PBX1: variants seen among roughly 807,000 people sequenced by gnomAD.
PBX1 encodes pre-B-cell leukemia transcription factor 1.
In PBX1, 6 loss-of-function variants were observed where a neutral mutation model predicts 53.4. The observed-to-expected ratio is 0.11, with a 90% CI of 0.06 to 0.22. The LOEUF is 0.22. Among genes scored for constraint, PBX1 ranks in the 10% least tolerant of loss-of-function variants. The pLI is 1.00. For synonymous variants in PBX1, 204 were observed against 212.3 expected, an observed-to-expected ratio of 0.96 and a Z score of 0.34; for missense variants, 251 against 551.4, an observed-to-expected ratio of 0.46 and a Z score of 5.46.
intron 2 of PBX1, among the ~76,000 whole-genome samples, chr1:164,792,113 T>A (rs571047462): frequency 1.3e-5 from 2 of 152,184 alleles, no homozygotes; most frequent in African/African-American, 2.4e-5. Context: ...TTTTAAACTA[T>A]TTTTAAGTGT....
chr1:164,654,185 T>A (rs1483253207), intron 2 of PBX1, among the ~76,000 whole-genome samples: 1 of 152,152 alleles, frequency 6.6e-6, no homozygotes, highest in African/African-American at 2.4e-5. Flanking sequence ...TGAAAAACTT[T>A]GTCACTCCAC....
intron 2 of PBX1, among the ~76,000 whole-genome samples, chr1:164,754,955 G>T (rs369869577): frequency 7.9e-5 from 12 of 152,276 alleles, no homozygotes; most frequent in East Asian, 3.9e-4. Context: ...GTGGTGCTAA[G>T]AATTAAAAGC....
intron 2 of PBX1, among the ~76,000 whole-genome samples, chr1:164,639,000 G>A (rs192908413): frequency 2.4e-4 from 36 of 152,314 alleles, no homozygotes; most frequent in African/African-American, 6.3e-4. Context: ...TTGAATAGTA[G>A]CCAGAGTACA....
chr1:164,701,075 G>A (rs778065826), intron 2 of PBX1, among the ~76,000 whole-genome samples: 20 of 151,970 alleles, frequency 1.3e-4, no homozygotes, highest in Non-Finnish European at 2.8e-4. Context: ...CAATATATGC[G>A]TGTCAGATAA....
rs947026004 is a variant in PBX1 at position 164,650,012 on chromosome 1, A to G, written c.265+86701A>G. 2.6e-5 allele frequency among the ~76,000 whole-genome samples: 4 copies of G among 152,236 alleles called. No individual in the cohort carries two copies. In the East Asian group the frequency reaches 5.8e-4, roughly 22 times the overall value. On this transcript the variant is annotated intron_variant, in intron 2 of 8. Coordinates refer to ENST00000420696, the MANE Select transcript of PBX1 (RefSeq NM_002585.4). ...TCCTCTCTCTGAGGAAGGGAGAGAA[A>G]GAGTTGAAGGTTTCTGGGAAAGGGG... is the stretch of plus-strand genomic sequence containing the variant.
intron 6 of PBX1, chr1:164,817,287 AGTGGATC>A (rs1571463067): frequency 6.6e-6 from 1 of 152,330 alleles, no homozygotes; most frequent in East Asian, 1.9e-4. Flanking sequence ...ACTATTTGTC[AGTGGATC>A]GTGTGCTTCC....
intron 2 of PBX1, among the ~76,000 whole-genome samples, chr1:164,685,906 C>T (rs570185726): frequency 6.6e-6 from 1 of 152,282 alleles, no homozygotes; most frequent in East Asian, 1.9e-4. Context: ...GGTTTTCTTG[C>T]AGCTTCTGCT....
rs996284615 is a variant in PBX1 at position 164,708,810 on chromosome 1, C to A, written c.266-83684C>A. ...ACTGAGGCTAAAGAAGTAACCAAGA[C>A]AAAGTTAGAAAATGCCAAGTTTGAA... is the stretch of plus-strand genomic sequence containing the variant. On this transcript the variant is annotated intron_variant, in intron 2 of 8. Coordinates refer to ENST00000420696, the MANE Select transcript of PBX1 (RefSeq NM_002585.4). Among the ~76,000 whole-genome samples the A allele has an allele frequency of 4.6e-5, 7 of 152,156 alleles. 1 individual carries two copies. Among genetic ancestry groups the A allele is most frequent in the Admixed American group, 3.9e-4 (6 of 15,284 alleles).
rs142305593 is a variant in PBX1 at position 164,717,769 on chromosome 1, T to C, written c.266-74725T>C. 3.3e-3 allele frequency among the ~76,000 whole-genome samples: 502 copies of C among 152,252 alleles called. 8 individuals carry two copies. The South Asian group carries it at 0.041, about 13-fold the overall frequency. The stretch of plus-strand genomic sequence containing the variant: ...GTAGAGCTCAAAAACAAGTTAATAG[T>C]CATTGTCTAGGGGAAGATGGTGGTT... On this transcript the variant is annotated intron_variant, in intron 2 of 8. Transcript: ENST00000420696.
At chr1:164,567,554 A>G (rs1051617498) in intron 2 of PBX1, among the ~76,000 whole-genome samples, 6 of 152,198 alleles carry the variant, frequency 3.9e-5, no homozygotes, top group Admixed American at 3.9e-4. Context: ...GTGTTAAGGC[A>G]GAAGTAATGT....
intron 2 of PBX1, among the ~76,000 whole-genome samples, chr1:164,787,959 C>T (rs1484000267): frequency 1.3e-5 from 2 of 152,120 alleles, no homozygotes; most frequent in Non-Finnish European, 2.9e-5. Context: ...TGACATTTTT[C>T]GGGTAGTGGA....
intron 2 of PBX1, among the ~76,000 whole-genome samples, chr1:164,580,404 G>A (rs147101588): frequency 0.053 from 8,094 of 152,180 alleles, 395 homozygotes; most frequent in African/African-American, 0.12. Context: ...TTAGCCTCCC[G>A]AGTAGCTGGG....
intron 2 of PBX1, among the ~76,000 whole-genome samples, chr1:164,706,086 A>G (rs1189832093): frequency 6.6e-6 from 1 of 150,446 alleles, no homozygotes; most frequent in East Asian, 1.9e-4. Flanking sequence ...GTGACTTACT[A>G]AGGAGTATCT....
intron 2 of PBX1, among the ~76,000 whole-genome samples, chr1:164,602,080 G>C (rs1233138733): frequency 2.0e-5 from 3 of 152,222 alleles, no homozygotes; most frequent in African/African-American, 7.2e-5. Context: ...AGAAAAGAGG[G>C]AGTTCAAGTC....
chr1:164,760,619 G>A (rs1175396977), intron 2 of PBX1, among the ~76,000 whole-genome samples: 7 of 151,882 alleles, frequency 4.6e-5, no homozygotes, highest in East Asian at 3.9e-4. Flanking sequence ...TTCTTCTCTC[G>A]TCTGTGGTTG....
chr1:164,793,872 CTTTTTT>C (rs72414989), intron 3 of PBX1, among the ~76,000 whole-genome samples: 1 of 78,218 alleles, frequency 1.3e-5, no homozygotes, highest in Admixed American at 1.5e-4. Context: ...TTTTTCCTTT[CTTTTTT>C]TTTTTTTTTT....
intron 2 of PBX1, among the ~76,000 whole-genome samples, chr1:164,790,118 C>T (rs1260593063): frequency 2.6e-4 from 39 of 152,278 alleles, no homozygotes; most frequent in Admixed American, 2.4e-3. Flanking sequence ...AGATTCTTTT[C>T]GGTGCCTTTA....
chr1:164,654,254 T>G (rs1571157082), intron 2 of PBX1, among the ~76,000 whole-genome samples: 1 of 152,216 alleles, frequency 6.6e-6, no homozygotes, highest in Admixed American at 6.5e-5. Context: ...TATAATGTAG[T>G]GCTTTTACCT....
At chr1:164,878,705 T>A (rs537536543) in intron 2 of PBX1, among the ~76,000 whole-genome samples, 29 of 152,146 alleles carry the variant, frequency 1.9e-4, no homozygotes, top group Middle Eastern at 6.8e-3. Context: ...ATGAAGACCA[T>A]GTCAGTAGCT....
Sources: allele counts gnomAD v4.1 joint callset (sites outside exome capture counted in the v4.1 genomes callset), GRCh38; gene constraint gnomAD v4.1.1; transcripts MANE v1.5; gene names NCBI Gene and HGNC (gene_info 2026-07-23, HGNC 2026-07-21).